Variants in FNDC1 observed in about 807,000 individuals in gnomAD.
FNDC1 encodes fibronectin type III domain-containing protein 1.
A neutral mutation model predicts 168.0 loss-of-function variants in FNDC1; 96 were observed. That is an observed-to-expected ratio of 0.57 (90% CI 0.48 to 0.68). The LOEUF is 0.68. FNDC1 is among the 30% of genes least tolerant of loss of function. The probability of loss-of-function intolerance (pLI) is 0.00; values close to 1 mark genes in which losing one functional copy is unlikely to be tolerated. For synonymous variants in FNDC1, 1,099 were observed against 1,025.9 expected (o/e 1.07, Z -1.36); for missense variants, 2,587 against 2,482.1 (o/e 1.04, Z -0.90).
chr6:159,270,167 G>A (rs371412795), intron 22 of FNDC1, among the ~76,000 whole-genome samples: 1 of 152,166 alleles, frequency 6.6e-6, no homozygotes, highest in African/African-American at 2.4e-5. Context: ...TAGAGGTCTA[G>A]GCTGCCTTTT....
chr6:159,229,047 T>C (rs1040438779), intron 9 of FNDC1, among the ~76,000 whole-genome samples: 3 of 152,244 alleles, frequency 2.0e-5, no homozygotes, highest in Non-Finnish European at 4.4e-5. Context: ...CAGTTTTTAG[T>C]TGAAGGCAAA....
intron 1 of FNDC1, among the ~76,000 whole-genome samples, chr6:159,191,268 C>A (rs1782132926): frequency 6.6e-6 from 1 of 152,136 alleles, no homozygotes. Flanking sequence ...AACCATATCA[C>A]TATAAGAGAT....
chr6:159,215,006 C>G lies in FNDC1; in HGVS notation c.522C>G (p.Ser174=), dbSNP rs368782465. The G allele has an allele frequency of 4.3e-6, 7 of 1,614,000 alleles. No homozygotes were observed. Among genetic ancestry groups the G allele is most frequent in the Admixed American group, 1.7e-5 (1 of 60,026 alleles). ...VRVRSSDDRL[S]VAWKAPRLSG... ...TCCGGTCCTCAGATGACAGGCTGTC[C>G]GTTGCGTGGAAGGCACCACGCCTGT... The change falls in exon 5 of 23, where the codon TCC becomes TCG. Residue 174 remains serine (S), a synonymous_variant. Coordinates refer to ENST00000297267, the MANE Select transcript of FNDC1 (RefSeq NM_032532.3).
intron 10 of FNDC1, 24 bp downstream of exon 10, chr6:159,230,027 G>A: frequency 6.3e-7 from 1 of 1,587,564 alleles, no homozygotes; most frequent in South Asian, 1.2e-5. Flanking sequence ...GTCTGTGGCT[G>A]TCTTCTCTCT....
chr6:159,240,656 C>T (rs1340885826), intron 14 of FNDC1: 1 of 152,230 alleles, frequency 6.6e-6, no homozygotes, highest in South Asian at 2.1e-4. Flanking sequence ...GTAAGTCTGT[C>T]TTCCTTCTGA....
At chr6:159,202,921 A>C (rs1221514184) in intron 4 of FNDC1, among the ~76,000 whole-genome samples, 1 of 152,168 alleles carries the variant, frequency 6.6e-6, no homozygotes, top group Non-Finnish European at 1.5e-5. Context: ...AGAAAACACA[A>C]ATTTATTTCT....
At position 159,239,876 on chromosome 6, in the gene FNDC1, C is replaced by T. The variant is rs969514445; in HGVS notation, c.4540C>T (p.Pro1514Ser). The stretch of plus-strand genomic sequence containing the variant: ...CACCACTCCCATCCCCACCTGTCCC[C>T]CTGGGACCTTGGAACGGCACGACGA... ...TPTTPIPTCP[P>S]GTLERHDDDG... Residue 1514 changes from proline to serine, a missense_variant, in exon 14 of 23, where the codon CCT (proline) becomes TCT (serine). Pro to Ser is a moderately conservative substitution (Grantham distance 74). Transcript: ENST00000297267. 2.3e-5 allele frequency: 35 copies of T among 1,546,008 alleles called. No homozygotes were observed. The highest frequency in any genetic ancestry group is 2.8e-5 in the Non-Finnish European group (32 of 1,143,972).
Position 159,267,788 on chromosome 6 carries a change from C to A in FNDC1, c.5447-16C>A. 1 of 1,613,424 alleles carries A rather than the reference C, an allele frequency of 6.2e-7. No homozygotes were observed. Among genetic ancestry groups the A allele is most frequent in the Non-Finnish European group, 8.5e-7 (1 of 1,179,674 alleles). ...TTCTGTACCTAGTCATGGACTCAAT[C>A]AATTCCTTCATGCAGATACATTCTA... is the stretch of plus-strand genomic sequence containing the variant. On this transcript the variant is annotated splice_polypyrimidine_tract_variant and intron_variant, in intron 21 of 22. Transcript: ENST00000297267.
chr6:159,264,641 G>A (rs1025857754), intron 19 of FNDC1, among the ~76,000 whole-genome samples: 6 of 152,136 alleles, frequency 3.9e-5, no homozygotes, highest in East Asian at 3.8e-4. Flanking sequence ...GTAGGTGTAC[G>A]CTCACCTTTT....
chr6:159,267,241 T>G (rs1240438999), intron 21 of FNDC1, among the ~76,000 whole-genome samples: 1 of 152,140 alleles, frequency 6.6e-6, no homozygotes, highest in Non-Finnish European at 1.5e-5. Flanking sequence ...TGCTCTTTTC[T>G]TTCTCTTCCA....
chr6:159,169,658 T>G lies in FNDC1; in HGVS notation c.62T>G (p.Leu21Arg). Residue 21 changes from leucine to arginine, a missense_variant, in exon 1 of 23, where the codon CTG becomes CGG. Coordinates refer to ENST00000297267, the MANE Select transcript of FNDC1 (RefSeq NM_032532.3). This position sits in a 1 kb window ranked among gnomAD's most constrained non-coding sequence, Gnocchi z 6.8. The part of the protein sequence containing the change: ...APRRLSWAAL[L>R]LLAALLPVAS... ...CGCCGGCTGTCCTGGGCGGCGCTGC[T>G]GCTCTTGGCCGCGCTGCTCCCCGTC... The G allele has an allele frequency of 8.6e-7, 1 of 1,164,688 alleles. No homozygotes were observed. Among genetic ancestry groups the G allele is most frequent in the Non-Finnish European group, 1.1e-6 (1 of 945,904 alleles). 72.1% of individuals were successfully genotyped at this position (1,164,688 alleles called of 1,614,324 possible).
chr6:159,227,683 C>G (rs1782981933), intron 9 of FNDC1, among the ~76,000 whole-genome samples: 1 of 147,232 alleles, frequency 6.8e-6, no homozygotes, highest in Admixed American at 6.8e-5. Context: ...AAATCCACAA[C>G]CAGAGAAAAA....
At chr6:159,260,139 G>T (rs114415351) in intron 18 of FNDC1, among the ~76,000 whole-genome samples, 3,147 of 152,314 alleles carry the variant, frequency 0.021, 113 homozygotes, top group African/African-American at 0.073. Flanking sequence ...CAGATAAGAG[G>T]TCCCTTATGA....
At position 159,233,403 on chromosome 6, in the gene FNDC1, C is replaced by A; in HGVS notation, c.2891C>A (p.Ser964Tyr). 2 of 1,613,168 alleles carry A rather than the reference C, an allele frequency of 1.2e-6. No homozygotes were observed. The highest frequency in any genetic ancestry group is 1.1e-5 in the South Asian group (1 of 90,972). The change falls in exon 11 of 23, where the codon TCT becomes TAT. Residue 964 changes from serine (S) to tyrosine (Y), a missense_variant. Physicochemically the swap from Ser to Tyr is moderately radical, Grantham distance 144. Coordinates refer to ENST00000297267, the MANE Select transcript of FNDC1 (RefSeq NM_032532.3). This position sits in a 1 kb window ranked among gnomAD's most constrained non-coding sequence, Gnocchi z 4.6. ...QSTDADTEGH[S>Y]PKAQPGSTDR... ...ACAGACGCGGACACGGAGGGTCATT[C>A]TCCCAAAGCACAGCCAGGGTCCACA...
At chr6:159,260,859 C>T (rs1356451010) in intron 18 of FNDC1, among the ~76,000 whole-genome samples, 2 of 152,192 alleles carry the variant, frequency 1.3e-5, no homozygotes, top group Non-Finnish European at 2.9e-5. Context: ...AGGAACGTCT[C>T]ACCAGGGATG....
chr6:159,246,052 C>A (rs201448793), intron 14 of FNDC1, among the ~76,000 whole-genome samples: 1 of 3,200 alleles, frequency 3.1e-4, no homozygotes, highest in African/African-American at 7.2e-4. Flanking sequence ...CCGTGCCCGG[C>A]GTCATTATGG....
In FNDC1 at chr6:159,256,089, G is replaced by A. The variant is rs192465288; in HGVS notation, c.5066-434G>A. On this transcript the variant is annotated intron_variant, in intron 17 of 22. Transcript: ENST00000297267. ...TGGGCGTGTGGGGTCTCTCAGCCCC[G>A]CACACATGCACAGCATCCACCAACA... 5.9e-5 allele frequency among the ~76,000 whole-genome samples: 9 copies of A among 152,302 alleles called. No individual in the cohort carries two copies. The South Asian group carries it at 6.2e-4, about 11-fold the overall frequency.
chr6:159,222,964 GC>G (rs1477381873), intron 6 of FNDC1, among the ~76,000 whole-genome samples: 3 of 149,010 alleles, frequency 2.0e-5, no homozygotes, highest in Non-Finnish European at 4.5e-5. Context: ...GGGTTGGGCA[GC>G]TTTTAAAGTG....
chr6:159,171,123 C>T, intron 1 of FNDC1, among the ~76,000 whole-genome samples: 1 of 94,178 alleles, frequency 1.1e-5, no homozygotes, highest in East Asian at 2.9e-4. Context: ...GTGAGAGCTC[C>T]TGGAATCCCA....
Sources: allele counts gnomAD v4.1 joint callset (sites outside exome capture counted in the v4.1 genomes callset), GRCh38; gene constraint gnomAD v4.1.1; non-coding constraint Gnocchi (gnomAD v3.1); transcripts MANE v1.5; gene names NCBI Gene and HGNC (gene_info 2026-07-23, HGNC 2026-07-21).